Variants in ADAMTS9 observed in about 807,000 individuals in gnomAD.
ADAMTS9 encodes the protein A disintegrin and metalloproteinase with thrombospondin motifs 9.
Under a neutral mutation model 257.1 loss-of-function variants are expected in ADAMTS9, and 107 were observed. The observed-to-expected ratio is 0.42, with a 90% CI of 0.36 to 0.49. The LOEUF is 0.49. Ranked by LOEUF, ADAMTS9 falls within the 20% of genes least tolerant of loss-of-function variation. ADAMTS9 has a pLI of 0.03. For synonymous variants in ADAMTS9, 982 were observed against 880.9 expected (o/e 1.11, Z -2.03); for missense variants, 2,353 against 2,469.1 (o/e 0.95, Z 1.00).
rs148058341 is a variant in ADAMTS9 at position 64,541,911 on chromosome 3, C to T, written c.5124G>A (p.Glu1708=). 14 of 1,614,108 alleles carry T rather than the reference C, an allele frequency of 8.7e-6. No individual in the cohort carries two copies. In the African/African-American group the frequency reaches 1.3e-4, roughly 15 times the overall value. Residue 1708 remains glutamate, a synonymous_variant, in exon 33 of 40, where the codon GAG becomes GAA. Transcript: ENST00000498707. ...TGTGGCATAAGTGGCTGGGTTGGTC[C>T]TCATTGGTTAAACATTGCACAGATC... The part of the protein sequence containing the change: ...MQRSVQCLTN[E]DQPSHLCHTD...
chr3:64,630,237 A>T (rs1231663236), intron 16 of ADAMTS9, among the ~76,000 whole-genome samples: 1 of 152,096 alleles, frequency 6.6e-6, no homozygotes, highest in Non-Finnish European at 1.5e-5. Flanking sequence ...CAAATTTCAC[A>T]ATCACTTACA....
chr3:64,664,107 G>A (rs1701287732), intron 3 of ADAMTS9, among the ~76,000 whole-genome samples: 1 of 152,068 alleles, frequency 6.6e-6, no homozygotes, highest in African/African-American at 2.4e-5. Flanking sequence ...AGGAATAGAG[G>A]CTAGTGTTTC....
intron 10 of ADAMTS9, among the ~76,000 whole-genome samples, chr3:64,648,590 A>G (rs1190205020): frequency 6.6e-6 from 1 of 152,214 alleles, no homozygotes; most frequent in Non-Finnish European, 1.5e-5. Context: ...ATTAAAATAA[A>G]CCACACTTAT....
At chr3:64,588,076 C>A (rs1441154317) in intron 28 of ADAMTS9, 3 of 152,084 alleles carry the variant, frequency 2.0e-5, no homozygotes, top group Non-Finnish European at 4.4e-5. Context: ...AAGTTCTGTG[C>A]CATCAGCCAG....
At chr3:64,561,917 T>A in intron 29 of ADAMTS9, 166 bp from the exon 30 acceptor site, 1 of 644,680 alleles carries the variant, frequency 1.6e-6, no homozygotes, top group Non-Finnish European at 2.6e-6. Context: ...GATCATGTCT[T>A]AAACCTGGAA....
intron 21 of ADAMTS9, among the ~76,000 whole-genome samples, chr3:64,614,189 A>G (rs2084718291): frequency 6.6e-6 from 1 of 152,192 alleles, no homozygotes; most frequent in African/African-American, 2.4e-5. Flanking sequence ...ATTTTATCGC[A>G]TATTATTGCA....
chr3:64,553,827 C>T (rs147053532), intron 30 of ADAMTS9, among the ~76,000 whole-genome samples: 40 of 152,086 alleles, frequency 2.6e-4, no homozygotes, highest in African/African-American at 7.0e-4. Context: ...TGCAGGAGGC[C>T]GGCTGAGCCC....
intron 28 of ADAMTS9, among the ~76,000 whole-genome samples, chr3:64,586,032 A>G (rs565035803): frequency 6.6e-6 from 1 of 152,284 alleles, no homozygotes; most frequent in South Asian, 2.1e-4. Context: ...CTAAACAATG[A>G]GATGAGGGGA....
intron 28 of ADAMTS9, among the ~76,000 whole-genome samples, chr3:64,578,446 C>T (rs1461259920): frequency 6.6e-6 from 1 of 152,166 alleles, no homozygotes; most frequent in Non-Finnish European, 1.5e-5. Flanking sequence ...GATTCCTACA[C>T]TACTCTGAGA....
chr3:64,542,430 C>CTTTTT (rs56812239), intron 32 of ADAMTS9, among the ~76,000 whole-genome samples: 25,926 of 124,186 alleles, frequency 0.21, 4,117 homozygotes, highest in African/African-American at 0.42. Context: ...TTCTTTCTTT[C>CTTTTT]TTTTTTTTTT....
At chr3:64,647,442 G>A (rs1700825940) in intron 11 of ADAMTS9, among the ~76,000 whole-genome samples, 1 of 152,106 alleles carries the variant, frequency 6.6e-6, no homozygotes, top group Admixed American at 6.6e-5. Context: ...ACTTGGATTT[G>A]GATATATCCT....
intron 3 of ADAMTS9, among the ~76,000 whole-genome samples, chr3:64,669,162 A>G (rs1198369913): frequency 6.6e-6 from 1 of 152,158 alleles, no homozygotes; most frequent in Non-Finnish European, 1.5e-5. Flanking sequence ...TTTTAAAATC[A>G]TATTTGGTTG....
At chr3:64,536,755 A>G (rs568239833) in intron 37 of ADAMTS9, among the ~76,000 whole-genome samples, 2 of 152,356 alleles carry the variant, frequency 1.3e-5, no homozygotes, top group African/African-American at 4.8e-5. Context: ...TGACTAAAGC[A>G]AAGACGCATA....
intron 37 of ADAMTS9, 46 bp downstream of exon 37, chr3:64,539,157 G>C (rs779200076): frequency 6.5e-7 from 1 of 1,533,298 alleles, no homozygotes; most frequent in African/African-American, 1.4e-5. Flanking sequence ...TCCCGGGAAA[G>C]GTGGGAGGTG....
At chr3:64,623,635 C>A (rs4461416) in intron 16 of ADAMTS9, among the ~76,000 whole-genome samples, 44,602 of 152,006 alleles carry the variant, frequency 0.29, 9,145 homozygotes, top group African/African-American at 0.56. Context: ...ATTAATACAC[C>A]AACCCAGACC....
chr3:64,649,516 A>C (rs1403868046), intron 10 of ADAMTS9, 121 bp downstream of exon 10: 1 of 1,179,496 alleles, frequency 8.5e-7, no homozygotes, highest in Non-Finnish European at 1.2e-6. Context: ...ACTAATATGC[A>C]ATTTTACTCT....
intron 37 of ADAMTS9, 51 bp downstream of exon 37, chr3:64,539,152 G>C (rs1188046477): frequency 6.5e-7 from 1 of 1,528,568 alleles, no homozygotes; most frequent in East Asian, 2.3e-5. Flanking sequence ...GATGTTCCCG[G>C]GAAAGGTGGG....
chr3:64,659,177 T>G (rs1701162177), intron 3 of ADAMTS9, among the ~76,000 whole-genome samples: 1 of 152,142 alleles, frequency 6.6e-6, no homozygotes, highest in Non-Finnish European at 1.5e-5. Flanking sequence ...TCTGAAAAAC[T>G]TAAATGGAGG....
At chr3:64,583,684 G>T (rs908721315) in intron 28 of ADAMTS9, 2 of 152,098 alleles carry the variant, frequency 1.3e-5, no homozygotes, top group Non-Finnish European at 2.9e-5. Context: ...TCCCAATTGA[G>T]AACTATTGAA....
Sources: gnomAD v4.1 joint callset for allele counts (sites outside exome capture counted in the v4.1 genomes callset) on GRCh38, gnomAD v4.1.1 for gene constraint, MANE v1.5 for transcripts, NCBI Gene and HGNC (gene_info 2026-07-23, HGNC 2026-07-21) for gene names.